PRKDC: variants seen among roughly 807,000 people sequenced by gnomAD.
PRKDC encodes DNA-dependent protein kinase catalytic subunit.
PRKDC carries 82 observed loss-of-function variants against 486.9 expected under a neutral mutation model. The ratio of observed to expected loss-of-function variants is 0.17; its 90% CI spans 0.14 to 0.20. The LOEUF (loss-of-function observed/expected upper bound fraction) is 0.20. Ranked by LOEUF, PRKDC falls within the 10% of genes least tolerant of loss-of-function variation. PRKDC has a pLI of 1.00. For synonymous variants in PRKDC, 1,895 were observed against 1,837.0 expected, an observed-to-expected ratio of 1.03 and a Z score of -0.81; for missense variants, 4,504 against 5,038.2, an observed-to-expected ratio of 0.89 and a Z score of 3.21.
Position 47,953,791 on chromosome 8 carries a change from A to T in PRKDC, c.621+16T>A. The T allele has an allele frequency of 1.3e-6, 2 of 1,573,162 alleles. No individual in the cohort carries two copies. The highest frequency in any genetic ancestry group is 4.6e-5 in the East Asian group (2 of 43,700). ...ACCACATCTATGGAAGCAGAATGTC[A>T]TAAAGTTCATCATACCTGGGTCTTA... On this transcript the variant is annotated intron_variant, in intron 6 of 85. Coordinates refer to ENST00000314191, the MANE Select transcript of PRKDC (RefSeq NM_006904.7).
chr8:47,884,426 G>A (rs2089285754), intron 36 of PRKDC, among the ~76,000 whole-genome samples: 1 of 152,182 alleles, frequency 6.6e-6, no homozygotes, highest in Admixed American at 6.5e-5. Context: ...CTGTCCTTTT[G>A]ATTTACAACT....
chr8:47,955,461 C>CAAAA (rs746883720), intron 4 of PRKDC, among the ~76,000 whole-genome samples: 1 of 18,524 alleles, frequency 5.4e-5, no homozygotes, highest in Non-Finnish European at 1.3e-4. Context: ...GACTCCGTCT[C>CAAAA]AAAAAAAAAA....
intron 25 of PRKDC, among the ~76,000 whole-genome samples, chr8:47,910,522 T>C (rs890255417): frequency 4.6e-5 from 7 of 152,218 alleles, no homozygotes; most frequent in Non-Finnish European, 7.3e-5. Flanking sequence ...GAGCCATCTG[T>C]GCGCTGGTTC....
intron 26 of PRKDC, 79 bp downstream of exon 26, chr8:47,904,790 C>T: frequency 8.2e-7 from 1 of 1,220,306 alleles, no homozygotes; most frequent in Non-Finnish European, 1.2e-6. Flanking sequence ...AAGACTGTCT[C>T]AAAAACATAA....
At chr8:47,948,776 T>C (rs1031748379) in intron 7 of PRKDC, among the ~76,000 whole-genome samples, 1 of 152,180 alleles carries the variant, frequency 6.6e-6, no homozygotes, top group Non-Finnish European at 1.5e-5. Context: ...GTGCCTTATA[T>C]ATATGTACCC....
At chr8:47,950,677 T>C (rs1042786691) in intron 7 of PRKDC, among the ~76,000 whole-genome samples, 1 of 151,870 alleles carries the variant, frequency 6.6e-6, no homozygotes, top group Non-Finnish European at 1.5e-5. Flanking sequence ...TATTTGTCCT[T>C]TCAAAAAAAG....
At chr8:47,816,591 G>A (rs1341586017) in intron 68 of PRKDC, among the ~76,000 whole-genome samples, 1 of 152,034 alleles carries the variant, frequency 6.6e-6, no homozygotes, top group African/African-American at 2.4e-5. Flanking sequence ...CTTAAGAAAT[G>A]AACACTGATC....
rs8178049 is a variant in PRKDC at position 47,927,063 on chromosome 8, A to G, written c.2419+131T>C. Reference sequence around the variant, plus strand: ...TCAGATAAATTAGGGAAATTACAAAAATAGCAATCAAACATATTTTGAACA... The same window carrying G: ...TCAGATAAATTAGGGAAATTACAAAGATAGCAATCAAACATATTTTGAACA... On this transcript the variant is annotated intron_variant, in intron 21 of 85. Transcript: ENST00000314191. 611 of 863,612 alleles carry G rather than the reference A, an allele frequency of 7.1e-4. 3 individuals carry two copies. The African/African-American group carries it at 9.9e-3, about 14-fold the overall frequency. 53.5% of individuals were successfully genotyped at this position (863,612 alleles called of 1,614,324 possible).
rs571793483 is a variant in PRKDC at position 47,803,597 on chromosome 8, A to C, written c.9748-117T>G. 4.8e-5 allele frequency: 42 copies of C among 867,144 alleles called. 1 individual carries two copies. Among genetic ancestry groups the C allele is most frequent in the Middle Eastern group, 3.4e-4 (1 of 2,910 alleles). The allele number at this position is 867,144 out of a possible 1,614,324, so 53.7% of individuals were successfully genotyped here. On this transcript the variant is annotated intron_variant, in intron 69 of 85. Coordinates refer to ENST00000314191, the MANE Select transcript of PRKDC (RefSeq NM_006904.7). Reference sequence around the variant, plus strand: ...CAATCCACCTTAGAGTAGCGAATCCATTTCTTTAGCTTCAATTATGTCTCT... The same window carrying C: ...CAATCCACCTTAGAGTAGCGAATCCCTTTCTTTAGCTTCAATTATGTCTCT...
intron 22 of PRKDC, among the ~76,000 whole-genome samples, chr8:47,915,660 ATAGT>A (rs1409213548): frequency 6.6e-6 from 1 of 152,216 alleles, no homozygotes. Context: ...AACTATGTAA[ATAGT>A]TAAACTACTA....
chr8:47,898,447 GA>G, intron 29 of PRKDC, 22 bp downstream of exon 29: 3 of 1,526,542 alleles, frequency 2.0e-6, no homozygotes, highest in Non-Finnish European at 2.7e-6. Flanking sequence ...GGAAAAGACG[GA>G]AAAGGAAGCA....
intron 7 of PRKDC, among the ~76,000 whole-genome samples, chr8:47,949,878 G>A (rs1178947571): frequency 6.6e-6 from 1 of 151,944 alleles, no homozygotes; most frequent in Middle Eastern, 3.4e-3. Flanking sequence ...TGCCTACATA[G>A]GTTAAAAAAA....
rs2087049403 is a variant in PRKDC, at chr8:47,799,320, G to A, written c.10187C>T (p.Ala3396Val). The change falls in exon 72 of 86, where the codon GCC (alanine) becomes GTC (valine). Residue 3396 changes from alanine to valine, a missense_variant. Physicochemically the swap from Ala to Val is moderately conservative, Grantham distance 64. Transcript: ENST00000314191. ...SEAVQAAEEE[A>V]QPPSWSCGPA... ...CCCACAGCTCCAGGAGGGAGGCTGG[G>A]CCTCCTCCTCAGCCGCCTGCACAGC... 1 of 1,612,754 alleles carries A rather than the reference G, an allele frequency of 6.2e-7. No homozygotes were observed. The highest frequency in any genetic ancestry group is 1.7e-5 in the Admixed American group (1 of 59,964).
In PRKDC at chr8:47,883,906, C is replaced by T. The variant is rs372789003; in HGVS notation, c.4777-1809G>A. 3.8e-3 allele frequency among the ~76,000 whole-genome samples: 585 copies of T among 152,354 alleles called. 4 individuals carry two copies. The highest frequency in any genetic ancestry group is 0.025 in the South Asian group (120 of 4,832). ...CTCACAGGTATCACCTGCCTGGAAGCGCTGTGCAGCGTGCAGGGCTCGCTG... is the reference window on the plus strand; with the variant it reads ...CTCACAGGTATCACCTGCCTGGAAGTGCTGTGCAGCGTGCAGGGCTCGCTG... On this transcript the variant is annotated intron_variant, in intron 36 of 85. Coordinates refer to ENST00000314191, the MANE Select transcript of PRKDC (RefSeq NM_006904.7).
chr8:47,877,204 GCAGAC>G (rs2089109011), intron 40 of PRKDC, among the ~76,000 whole-genome samples: 1 of 152,204 alleles, frequency 6.6e-6, no homozygotes, highest in African/African-American at 2.4e-5. Flanking sequence ...TGTTTTAAAT[GCAGAC>G]TGAAGAGACA....
At chr8:47,851,630 G>A (rs970768201) in intron 52 of PRKDC, among the ~76,000 whole-genome samples, 11 of 152,204 alleles carry the variant, frequency 7.2e-5, no homozygotes, top group African/African-American at 2.7e-4. Flanking sequence ...GAGTAACTGA[G>A]CTGGGGTTGC....
At chr8:47,906,587 C>T (rs1274438689) in intron 25 of PRKDC, among the ~76,000 whole-genome samples, 2 of 150,128 alleles carry the variant, frequency 1.3e-5, no homozygotes, top group Non-Finnish European at 3.0e-5. Flanking sequence ...GAGCCGAGAT[C>T]GTCCCACTGC....
intron 73 of PRKDC, among the ~76,000 whole-genome samples, chr8:47,796,345 T>TA (rs1246076938): frequency 2.0e-5 from 3 of 151,676 alleles, no homozygotes; most frequent in Non-Finnish European, 4.4e-5. Context: ...ACCAAAAAAA[T>TA]AAAAAATAAA....
intron 19 of PRKDC, 51 bp downstream of exon 19, chr8:47,929,041 T>A: frequency 7.9e-7 from 1 of 1,263,584 alleles, no homozygotes; most frequent in African/African-American, 1.5e-5. Context: ...CAATAGATAT[T>A]CATTTAAAAA....
Sources: allele counts gnomAD v4.1 joint callset (sites outside exome capture counted in the v4.1 genomes callset), GRCh38; gene constraint gnomAD v4.1.1; transcripts MANE v1.5; gene names NCBI Gene and HGNC (gene_info 2026-07-23, HGNC 2026-07-21).